ANK3: variants seen among roughly 807,000 people sequenced by gnomAD.
ANK3 encodes the protein ankyrin 3, also known as ankyrin-3.
In ANK3, 57 loss-of-function variants were observed where a neutral mutation model predicts 370.9. The observed-to-expected ratio is 0.15, with a 90% CI of 0.12 to 0.19. The LOEUF (loss-of-function observed/expected upper bound fraction) is 0.19, where lower values mean the gene tolerates loss of function less well. Among genes scored for constraint, ANK3 ranks in the 10% least tolerant of loss-of-function variants. The pLI is 1.00. For synonymous variants in ANK3, 1,929 were observed against 1,946.3 expected (o/e 0.99, Z 0.23); for missense variants, 4,439 against 5,302.1 (o/e 0.84, Z 5.06).
intron 2 of ANK3, among the ~76,000 whole-genome samples, chr10:60,574,838 C>T (rs755774695): frequency 1.3e-5 from 2 of 152,156 alleles, no homozygotes; most frequent in African/African-American, 2.4e-5. Flanking sequence ...AGAGATAGTA[C>T]ATCCACCTAA....
At chr10:60,464,411 T>A (rs2064963157) in intron 2 of ANK3, among the ~76,000 whole-genome samples, 1 of 152,178 alleles carries the variant, frequency 6.6e-6, no homozygotes, top group African/African-American at 2.4e-5. Flanking sequence ...AGTAATAACC[T>A]GCTATTTATT....
At chr10:60,159,153 G>T (rs1174762779) in intron 23 of ANK3, among the ~76,000 whole-genome samples, 3 of 152,102 alleles carry the variant, frequency 2.0e-5, no homozygotes, top group Non-Finnish European at 4.4e-5. Flanking sequence ...TGGCCAAATG[G>T]ATTTAAAAAC....
chr10:60,329,390 T>A (rs1312531409), intron 1 of ANK3, among the ~76,000 whole-genome samples: 1 of 152,324 alleles, frequency 6.6e-6, no homozygotes, highest in Admixed American at 6.5e-5. Flanking sequence ...AACCCCATCA[T>A]GTCAGCCCCA....
chr10:60,071,788 A>C lies in ANK3; in HGVS notation c.9093T>G (p.Tyr3031Ter). 6.2e-7 allele frequency: 1 copy of C among 1,607,470 alleles called. No homozygotes were observed. ...CCTCGAGAGGTGGGCATAAACCTACATAACTCTGGTGTTTGGAAACTTTGC... is the reference window on the plus strand; with the variant it reads ...CCTCGAGAGGTGGGCATAAACCTACCTAACTCTGGTGTTTGGAAACTTTGC... ...EISKVSKHQSYVGLCPPLEET... is the reference protein window; with the variant it reads ...EISKVSKHQS The change falls in exon 37 of 44, where the codon TAT (tyrosine) becomes TAG (stop). Residue 3031 changes from tyrosine to a stop codon, truncating the protein, a stop_gained. Transcript: ENST00000280772. LOFTEE classifies it high-confidence loss of function.
chr10:60,325,142 G>A (rs2049525819), intron 1 of ANK3, among the ~76,000 whole-genome samples: 1 of 152,216 alleles, frequency 6.6e-6, no homozygotes, highest in Non-Finnish European at 1.5e-5. Context: ...ATGAATCTGA[G>A]TATTGTTCAG....
chr10:60,548,472 A>C (rs754824049), intron 2 of ANK3, among the ~76,000 whole-genome samples: 1 of 151,110 alleles, frequency 6.6e-6, no homozygotes, highest in African/African-American at 2.4e-5. Context: ...CTGGTCTCGA[A>C]CTCCTGACCT....
chr10:60,265,936 T>G (rs2097870319), intron 5 of ANK3, among the ~76,000 whole-genome samples: 1 of 152,170 alleles, frequency 6.6e-6, no homozygotes, highest in South Asian at 2.1e-4. Context: ...ACACCTGTAC[T>G]CATGCTATTT....
intron 7 of ANK3, among the ~76,000 whole-genome samples, chr10:60,255,311 C>T (rs537344371): frequency 6.6e-6 from 1 of 152,100 alleles, no homozygotes; most frequent in African/African-American, 2.4e-5. Flanking sequence ...ATTAATATGT[C>T]AAGGAAGGTA....
At chr10:60,110,379 C>T (rs1483477974) in intron 26 of ANK3, among the ~76,000 whole-genome samples, 1 of 152,146 alleles carries the variant, frequency 6.6e-6, no homozygotes, top group Non-Finnish European at 1.5e-5. Flanking sequence ...GTGGACTCGT[C>T]TTCATACCCT....
At chr10:60,086,250 C>A (rs2086657485) in intron 30 of ANK3, among the ~76,000 whole-genome samples, 1 of 152,152 alleles carries the variant, frequency 6.6e-6, no homozygotes. Context: ...TTTCCTATTA[C>A]TAGTGCTCTG....
intron 2 of ANK3, among the ~76,000 whole-genome samples, chr10:60,600,499 G>T (rs1378305509): frequency 2.0e-5 from 3 of 152,060 alleles, no homozygotes; most frequent in Admixed American, 6.6e-5. Flanking sequence ...CTGCTTTCTG[G>T]TTTTTTTCTT....
At chr10:60,411,294 A>C (rs1016181847) in intron 2 of ANK3, among the ~76,000 whole-genome samples, 1 of 152,244 alleles carries the variant, frequency 6.6e-6, no homozygotes, top group Non-Finnish European at 1.5e-5. Flanking sequence ...TATCTTTCAG[A>C]ATGTACAACT....
intron 2 of ANK3, among the ~76,000 whole-genome samples, chr10:60,493,079 CA>C (rs1268736795): frequency 0.11 from 13,515 of 121,370 alleles, 442 homozygotes; most frequent in East Asian, 0.15. Context: ...GACTCCTTCT[CA>C]AAAAAAAAAA....
intron 2 of ANK3, among the ~76,000 whole-genome samples, chr10:60,455,529 C>T (rs1299469094): frequency 8.5e-5 from 13 of 152,088 alleles, no homozygotes; most frequent in Non-Finnish European, 4.4e-5. Flanking sequence ...AATTGGTCAC[C>T]TTAAAACTAT....
intron 1 of ANK3, among the ~76,000 whole-genome samples, chr10:60,622,865 T>C (rs575724332): frequency 1.2e-3 from 180 of 152,234 alleles, no homozygotes; most frequent in African/African-American, 4.2e-3. Context: ...TTCTACAAAA[T>C]CCCTGATCTA....
chr10:60,663,181 T>C (rs2078956412), intron 1 of ANK3, among the ~76,000 whole-genome samples: 1 of 152,208 alleles, frequency 6.6e-6, no homozygotes, highest in South Asian at 2.1e-4. Context: ...GCACTTCGTA[T>C]TGTACATTCT....
chr10:60,422,010 G>A (rs1267729030), intron 2 of ANK3, among the ~76,000 whole-genome samples: 3 of 152,028 alleles, frequency 2.0e-5, no homozygotes, highest in Non-Finnish European at 2.9e-5. Flanking sequence ...TAAATAAAAG[G>A]TCTTAGACAA....
intron 1 of ANK3, among the ~76,000 whole-genome samples, chr10:60,302,407 ATATAT>A (rs759590670): frequency 6.6e-5 from 10 of 152,308 alleles, no homozygotes; most frequent in Non-Finnish European, 1.2e-4. Context: ...GATCAACATG[ATATAT>A]TATATCAGCT....
chr10:60,414,274 C>T (rs2063616822), intron 2 of ANK3, among the ~76,000 whole-genome samples: 2 of 152,154 alleles, frequency 1.3e-5, no homozygotes, highest in African/African-American at 2.4e-5. Context: ...AGTCCACTAA[C>T]CCACTTCCTG....
Sources: allele counts gnomAD v4.1 joint callset (sites outside exome capture counted in the v4.1 genomes callset), GRCh38; gene constraint gnomAD v4.1.1; transcripts MANE v1.5; gene names NCBI Gene and HGNC (gene_info 2026-07-23, HGNC 2026-07-21).